The following FBLN7 variants were observed in gnomAD, a reference collection of about 807,000 sequenced individuals.
FBLN7 encodes the protein fibulin-7.
Under a neutral mutation model 44.0 loss-of-function variants are expected in FBLN7, and 31 were observed. The observed-to-expected ratio is 0.70, with a 90% CI of 0.53 to 0.95. FBLN7 has a LOEUF of 0.95. Ranked by LOEUF, FBLN7 falls within the 40% of genes least tolerant of loss-of-function variation. The pLI is 0.00. For missense variants in FBLN7, 573 were observed against 618.5 expected (o/e 0.93, Z 0.78); for synonymous variants, 262 against 253.4 (o/e 1.03, Z -0.32).
chr2:112,180,922 C>CAAAAAAAA (rs60214148), intron 4 of FBLN7, among the ~76,000 whole-genome samples: 3 of 74,316 alleles, frequency 4.0e-5, no homozygotes, highest in Non-Finnish European at 7.3e-5. Context: ...GACTCTGTCT[C>CAAAAAAAA]AAAAAAAAAA....
At position 112,157,960 on chromosome 2, in the gene FBLN7, G is replaced by A. The variant is rs1469550075; in HGVS notation, c.76-1716G>A. Among the ~76,000 whole-genome samples, 3 of 149,906 alleles carry A rather than the reference G, an allele frequency of 2.0e-5. No individual in the cohort carries two copies. The South Asian group carries it at 6.3e-4, about 32-fold the overall frequency. Reference sequence around the variant, plus strand: ...CGCCCAGGTTGGAGTGCAGTGGCGCGATCTCGGCTCACTGCAGGCTCTGCC... The same window carrying A: ...CGCCCAGGTTGGAGTGCAGTGGCGCAATCTCGGCTCACTGCAGGCTCTGCC... On this transcript the variant is annotated intron_variant, in intron 1 of 7. Transcript: ENST00000331203.
chr2:112,214,112 A>C, the FBLN7 span: 1 of 151,852 alleles, frequency 6.6e-6, no homozygotes, highest in Non-Finnish European at 1.5e-5. Flanking sequence ...TCGCCCAGCT[A>C]ATTTTTTGTA....
the FBLN7 span, among the ~76,000 whole-genome samples, chr2:112,241,447 C>T: frequency 2.7e-4 from 41 of 152,304 alleles, no homozygotes; most frequent in Non-Finnish European, 5.0e-4. Context: ...AGACCCCCCC[C>T]TCAAGGGCCT....
rs1242209843 is a variant in FBLN7 at position 112,159,842 on chromosome 2, C to T, written c.235+7C>T. ...GGCCCAGATGCCCTTCCAGGTGGGT[C>T]CCCACGTCGGCACCGCTGGGGCGGC... On this transcript the variant is annotated splice_region_variant and intron_variant, in intron 2 of 7. Coordinates refer to ENST00000331203, the MANE Select transcript of FBLN7 (RefSeq NM_153214.3). 4 of 1,524,754 alleles carry T rather than the reference C, an allele frequency of 2.6e-6. No homozygotes were observed. The highest frequency in any genetic ancestry group is 1.2e-5 in the South Asian group (1 of 82,314). The allele number at this position is 1,524,754 out of a possible 1,614,324, so 94.5% of individuals were successfully genotyped here.
chr2:112,220,809 G>A, the FBLN7 span, among the ~76,000 whole-genome samples: 1,626 of 152,272 alleles, frequency 0.011, 15 homozygotes, highest in Middle Eastern at 0.02. Context: ...CAAAAAGAGC[G>A]AAACTCCATC....
chr2:112,203,395 A>C, the FBLN7 span, among the ~76,000 whole-genome samples: 1 of 152,228 alleles, frequency 6.6e-6, no homozygotes, highest in Non-Finnish European at 1.5e-5. Context: ...GCTGACTTCA[A>C]TAGCCATACA....
intron 1 of FBLN7, among the ~76,000 whole-genome samples, chr2:112,140,494 C>A (rs1166549055): frequency 6.6e-6 from 1 of 152,224 alleles, no homozygotes; most frequent in Non-Finnish European, 1.5e-5. Context: ...GGGTCCCCCA[C>A]CTGTCACCTC....
the FBLN7 span, among the ~76,000 whole-genome samples, chr2:112,217,270 C>T: frequency 2.0e-5 from 3 of 152,046 alleles, no homozygotes; most frequent in Non-Finnish European, 4.4e-5. Context: ...ATTCAGGAGG[C>T]TGAGACATGA....
the FBLN7 span, chr2:112,234,232 C>T: frequency 1.3e-6 from 2 of 1,592,154 alleles, no homozygotes; most frequent in South Asian, 2.3e-5. Flanking sequence ...TTTAGGTTTA[C>T]CATCCTTTAA....
intron 3 of FBLN7, among the ~76,000 whole-genome samples, chr2:112,171,109 G>A (rs1344603765): frequency 1.3e-5 from 2 of 152,190 alleles, no homozygotes; most frequent in East Asian, 1.9e-4. Context: ...ATGGCTGTGC[G>A]ACAGACACCC....
chr2:112,196,986 T>C, the FBLN7 span, among the ~76,000 whole-genome samples: 1 of 151,988 alleles, frequency 6.6e-6, no homozygotes, highest in African/African-American at 2.4e-5. Context: ...ACTTATTCAC[T>C]ATCACAAGAA....
At chr2:112,143,471 G>A (rs1222853665) in intron 1 of FBLN7, among the ~76,000 whole-genome samples, 1 of 152,096 alleles carries the variant, frequency 6.6e-6, no homozygotes, top group South Asian at 2.1e-4. Flanking sequence ...ACCATGAGAG[G>A]TTCATTCTTT....
At chr2:112,192,323 G>A (rs1191327654), downstream of FBLN7, among the ~76,000 whole-genome samples, 1 of 152,092 alleles carries the variant, frequency 6.6e-6, no homozygotes, top group Non-Finnish European at 1.5e-5. Flanking sequence ...CTGAATCAAA[G>A]AAGGCCCCAG....
intron 1 of FBLN7, chr2:112,151,193 G>A (rs1322156270): frequency 6.6e-6 from 1 of 152,342 alleles, no homozygotes; most frequent in Non-Finnish European, 1.5e-5. Flanking sequence ...GGGCAAACGG[G>A]AAGGGAAGGG....
chr2:112,231,322 C>T, the FBLN7 span, among the ~76,000 whole-genome samples: 1 of 152,010 alleles, frequency 6.6e-6, no homozygotes, highest in Non-Finnish European at 1.5e-5. Context: ...TTCATGTATA[C>T]TTAGATTAAA....
chr2:112,181,959 T>C, intron 5 of FBLN7, 83 bp downstream of exon 5: 1 of 1,450,658 alleles, frequency 6.9e-7, no homozygotes, highest in Non-Finnish European at 9.0e-7. Flanking sequence ...ACCGCCCTCC[T>C]GCCGGCACGG....
At chr2:112,239,853 A>G in the FBLN7 span, among the ~76,000 whole-genome samples, 113,753 of 152,114 alleles carry the variant, frequency 0.75, 43,947 homozygotes, top group African/African-American at 0.94. Context: ...CCAAAGTGCT[A>G]GGATTACAGC....
At chr2:112,183,093 TTATCATC>T (rs1683085398) in intron 6 of FBLN7, among the ~76,000 whole-genome samples, 165 bp downstream of exon 6, 1 of 152,258 alleles carries the variant, frequency 6.6e-6, no homozygotes, top group Non-Finnish European at 1.5e-5. Flanking sequence ...TCAGGCCACA[TTATCATC>T]TACATAAATA....
chr2:112,224,302 C>T, the FBLN7 span, among the ~76,000 whole-genome samples: 1 of 152,118 alleles, frequency 6.6e-6, no homozygotes, highest in Admixed American at 6.6e-5. Flanking sequence ...AAACTCTGGT[C>T]ATGTCAAAAA....
Sources: allele counts gnomAD v4.1 joint callset (sites outside exome capture counted in the v4.1 genomes callset), GRCh38; gene constraint gnomAD v4.1.1; transcripts MANE v1.5; gene names NCBI Gene and HGNC (gene_info 2026-07-23, HGNC 2026-07-21).